DSCAM: variants seen among roughly 807,000 people sequenced by gnomAD.
DSCAM encodes the protein cell adhesion molecule DSCAM.
Under a neutral mutation model 217.7 loss-of-function variants are expected in DSCAM, and 47 were observed. The observed-to-expected ratio is 0.22, with a 90% CI of 0.17 to 0.28. The LOEUF (loss-of-function observed/expected upper bound fraction) is 0.28. DSCAM is among the 10% of genes least tolerant of loss of function. The pLI is 1.00. For missense variants in DSCAM, 2,080 were observed against 2,618.3 expected (o/e 0.79, Z 4.49); for synonymous variants, 1,056 against 1,015.3 (o/e 1.04, Z -0.76).
intron 3 of DSCAM, among the ~76,000 whole-genome samples, chr21:40,415,947 G>GA (rs2075367470): frequency 6.6e-6 from 1 of 151,976 alleles, no homozygotes; most frequent in South Asian, 2.1e-4. Flanking sequence ...TTTTTAGGCA[G>GA]AAAAAAAGGT....
Position 40,689,567 on chromosome 21 carries a change from C to A in DSCAM, c.508+3243G>T, listed in dbSNP as rs375119681. On this transcript the variant is annotated intron_variant, in intron 3 of 32. Transcript: ENST00000400454. ...TCACTCACTTAGTAAGATACTTACA[C>A]AGGCTTATTTCCATGGCTGATTTAG... Among the ~76,000 whole-genome samples, 2 of 152,244 alleles carry A rather than the reference C, an allele frequency of 1.3e-5. 1 individual carries two copies. Among genetic ancestry groups the A allele is most frequent in the Admixed American group, 1.3e-4 (2 of 15,290 alleles).
At chr21:40,699,823 T>C (rs999167327) in intron 2 of DSCAM, among the ~76,000 whole-genome samples, 3 of 152,176 alleles carry the variant, frequency 2.0e-5, no homozygotes, top group Non-Finnish European at 4.4e-5. Context: ...TACAAATGCA[T>C]GGTGAAGCAG....
intron 3 of DSCAM, among the ~76,000 whole-genome samples, chr21:40,641,047 A>G (rs1311170709): frequency 2.0e-5 from 3 of 152,242 alleles, no homozygotes; most frequent in African/African-American, 7.2e-5. Flanking sequence ...TGTTTGTGTA[A>G]AAAGAAACTG....
Position 40,103,770 on chromosome 21 carries a change from A to G in DSCAM, c.3697-9896T>C, listed in dbSNP as rs149470568. Among the ~76,000 whole-genome samples, 36 of 150,964 alleles carry G rather than the reference A, an allele frequency of 2.4e-4. No individual in the cohort carries two copies. In the East Asian group the frequency reaches 6.8e-3, roughly 28 times the overall value. ...TGGCTACTTTTAAAAAGCCTTTCAAATATAAAATATTTTATATATGACCAT... is the reference window on the plus strand; with the variant it reads ...TGGCTACTTTTAAAAAGCCTTTCAAGTATAAAATATTTTATATATGACCAT... On this transcript the variant is annotated intron_variant, in intron 20 of 32. Coordinates refer to ENST00000400454, the MANE Select transcript of DSCAM (RefSeq NM_001389.5).
At chr21:40,617,425 A>T (rs1357385238) in intron 3 of DSCAM, among the ~76,000 whole-genome samples, 1 of 152,110 alleles carries the variant, frequency 6.6e-6, no homozygotes, top group Non-Finnish European at 1.5e-5. Flanking sequence ...CGCCCGGCCC[A>T]GAATGAGTCT....
intron 11 of DSCAM, among the ~76,000 whole-genome samples, chr21:40,201,331 C>G (rs2091067242): frequency 1.3e-5 from 2 of 151,194 alleles, no homozygotes. Flanking sequence ...ATATCAAAAA[C>G]AGTATTTTCC....
chr21:40,798,590 A>G (rs185119614), intron 1 of DSCAM, among the ~76,000 whole-genome samples: 159 of 152,236 alleles, frequency 1.0e-3, no homozygotes, highest in African/African-American at 3.7e-3. Flanking sequence ...GTAGAGGATC[A>G]GCTAATAGTA....
intron 1 of DSCAM, among the ~76,000 whole-genome samples, chr21:40,752,205 G>A (rs1179125746): frequency 1.3e-5 from 2 of 152,212 alleles, no homozygotes; most frequent in African/African-American, 2.4e-5. Flanking sequence ...CCAGAAAGGA[G>A]AGAAGGCTCC....
At chr21:40,185,580 AG>A (rs1485238045) in intron 14 of DSCAM, among the ~76,000 whole-genome samples, 2 of 152,232 alleles carry the variant, frequency 1.3e-5, no homozygotes, top group Non-Finnish European at 2.9e-5. Flanking sequence ...GTGCGCAGCC[AG>A]TGAGATAAAG....
intron 2 of DSCAM, among the ~76,000 whole-genome samples, chr21:40,701,454 T>C (rs1262159288): frequency 6.6e-6 from 1 of 152,142 alleles, no homozygotes; most frequent in East Asian, 1.9e-4. Context: ...CTTCATTGTT[T>C]GCTTTCTGCT....
intron 18 of DSCAM, among the ~76,000 whole-genome samples, chr21:40,138,110 T>C (rs2146701348): frequency 6.6e-6 from 1 of 152,346 alleles, no homozygotes; most frequent in South Asian, 2.1e-4. Flanking sequence ...TCAAATATAC[T>C]AACCAGTTTT....
intron 11 of DSCAM, among the ~76,000 whole-genome samples, chr21:40,220,516 C>T (rs1331799052): frequency 6.6e-6 from 1 of 152,126 alleles, no homozygotes; most frequent in Admixed American, 6.5e-5. Context: ...TAGCTTATCC[C>T]ACTTTTTAAT....
intron 1 of DSCAM, among the ~76,000 whole-genome samples, chr21:40,795,896 G>T (rs2091687560): frequency 6.6e-6 from 1 of 152,116 alleles, no homozygotes; most frequent in Admixed American, 6.5e-5. Context: ...GCAGGGAGAG[G>T]GACTTTTCTC....
chr21:40,266,670 T>TAA lies in DSCAM; in HGVS notation c.2356+9425_2356+9426dup, dbSNP rs1555896600. On this transcript the variant is annotated intron_variant, in intron 11 of 32. Coordinates refer to ENST00000400454, the MANE Select transcript of DSCAM (RefSeq NM_001389.5). ...ATATATATATATATATATATATATA[T>TAA]AATCTTGAAATTTTATATATATAAA... Among the ~76,000 whole-genome samples, 622 of 120,564 alleles carry TAA rather than the reference T, an allele frequency of 5.2e-3. 4 individuals are homozygous for TAA. The highest frequency in any genetic ancestry group is 0.019 in the East Asian group (86 of 4,590). The allele number at this position is 120,564 out of a possible 152,430, so 79.1% of individuals were successfully genotyped here. A position where few individuals can be genotyped will look rare whatever the true frequency, so the allele number is the denominator to read the frequency against.
rs539082646 is a variant in DSCAM at position 40,609,518 on chromosome 21, T to G, written c.508+83292A>C. The stretch of plus-strand genomic sequence containing the variant: ...ACCTGGGCTAGGGTTATTTATGATT[T>G]GTAGCAAGGACGGCAATTAAGATTT... On this transcript the variant is annotated intron_variant, in intron 3 of 32. Coordinates refer to ENST00000400454, the MANE Select transcript of DSCAM (RefSeq NM_001389.5). Among the ~76,000 whole-genome samples, 3 of 152,330 alleles carry G rather than the reference T, an allele frequency of 2.0e-5. No homozygotes were observed. In the East Asian group the frequency reaches 5.8e-4, roughly 29 times the overall value.
chr21:40,181,967 T>C (rs1447811530), intron 14 of DSCAM, among the ~76,000 whole-genome samples: 1 of 151,912 alleles, frequency 6.6e-6, no homozygotes, highest in Admixed American at 6.6e-5. Context: ...CACTGCAGCC[T>C]CTGTGAGGTG....
At chr21:40,042,792 G>T in intron 31 of DSCAM, 119 bp from the exon 32 acceptor site, 1 of 974,178 alleles carries the variant, frequency 1.0e-6, no homozygotes, top group Non-Finnish European at 1.5e-6. Flanking sequence ...CCTGGTAGGA[G>T]TTCTGGCTCC....
At chr21:40,742,487 ACTG>A (rs1369627509) in intron 1 of DSCAM, among the ~76,000 whole-genome samples, 1 of 152,212 alleles carries the variant, frequency 6.6e-6, no homozygotes, top group Admixed American at 6.5e-5. Flanking sequence ...CTACTGACAC[ACTG>A]ATTTTCATCC....
chr21:40,382,391 T>A (rs367558969), intron 3 of DSCAM, among the ~76,000 whole-genome samples: 17 of 152,288 alleles, frequency 1.1e-4, no homozygotes, highest in African/African-American at 3.6e-4. Context: ...CATGACACAT[T>A]TTTTCCCACC....
Sources: gnomAD v4.1 joint callset for allele counts (sites outside exome capture counted in the v4.1 genomes callset) on GRCh38, gnomAD v4.1.1 for gene constraint, MANE v1.5 for transcripts, NCBI Gene and HGNC (gene_info 2026-07-23, HGNC 2026-07-21) for gene names.